The following EPHA6 variants were observed in gnomAD, a reference collection of about 807,000 sequenced individuals.
EPHA6 encodes EPH receptor A6.
Under a neutral mutation model 112.0 loss-of-function variants are expected in EPHA6, and 50 were observed. The ratio of observed to expected loss-of-function variants is 0.45; its 90% CI spans 0.36 to 0.56. The LOEUF (loss-of-function observed/expected upper bound fraction) is 0.56. EPHA6 is among the 20% of genes least tolerant of loss of function. The probability of loss-of-function intolerance (pLI) is 0.00; values close to 1 mark genes in which losing one functional copy is unlikely to be tolerated. For missense variants in EPHA6, 1,280 were observed against 1,417.4 expected (o/e 0.90, Z 1.56); for synonymous variants, 529 against 490.7 (o/e 1.08, Z -1.03).
chr3:97,504,404 T>G (rs977168583), intron 10 of EPHA6, among the ~76,000 whole-genome samples: 1 of 152,242 alleles, frequency 6.6e-6, no homozygotes, highest in African/African-American at 2.4e-5. Context: ...AAGAAAATGA[T>G]GAGGCCTAGC....
intron 14 of EPHA6, among the ~76,000 whole-genome samples, chr3:97,716,594 A>AAAAAG (rs1559623684): frequency 6.6e-6 from 1 of 151,202 alleles, no homozygotes; most frequent in South Asian, 2.1e-4. Context: ...AAAAAAAAAA[A>AAAAAG]AAAAGAAAAG....
chr3:97,514,707 G>A (rs1560089269), intron 10 of EPHA6, among the ~76,000 whole-genome samples: 1 of 152,150 alleles, frequency 6.6e-6, no homozygotes, highest in Admixed American at 6.5e-5. Flanking sequence ...GATCCTAAGG[G>A]TATGGTCCTA....
At chr3:97,471,691 C>T (rs2091234597) in intron 7 of EPHA6, among the ~76,000 whole-genome samples, 1 of 151,658 alleles carries the variant, frequency 6.6e-6, no homozygotes, top group South Asian at 2.1e-4. Flanking sequence ...AAATCTTCCC[C>T]ACATATCAAG....
intron 3 of EPHA6, among the ~76,000 whole-genome samples, chr3:97,117,209 G>A (rs114737380): frequency 0.013 from 2,024 of 151,542 alleles, 41 homozygotes; most frequent in African/African-American, 0.044. Flanking sequence ...TAAGTTCCTA[G>A]ATATTTTGGA....
chr3:96,985,521 AG>A (rs2042988368), intron 2 of EPHA6, among the ~76,000 whole-genome samples: 1 of 152,148 alleles, frequency 6.6e-6, no homozygotes, highest in African/African-American at 2.4e-5. Flanking sequence ...GAGTAACATA[AG>A]ACCCATTATA....
chr3:97,094,227 A>G (rs1296187471), intron 3 of EPHA6, among the ~76,000 whole-genome samples: 1 of 152,168 alleles, frequency 6.6e-6, no homozygotes, highest in Non-Finnish European at 1.5e-5. Flanking sequence ...TTTGTAAACT[A>G]CATATCTGTT....
At chr3:97,496,822 A>G (rs1307127961) in intron 10 of EPHA6, among the ~76,000 whole-genome samples, 1 of 152,166 alleles carries the variant, frequency 6.6e-6, no homozygotes, top group Non-Finnish European at 1.5e-5. Flanking sequence ...CACAAAAAAA[A>G]AACCAACTGC....
chr3:96,825,215 G>A (rs2033568375), intron 1 of EPHA6, among the ~76,000 whole-genome samples: 1 of 151,158 alleles, frequency 6.6e-6, no homozygotes, highest in Non-Finnish European at 1.5e-5. Context: ...ATATCCAAGT[G>A]AATAATGTTA....
At chr3:97,012,596 TGTG>T (rs2107948200) in intron 3 of EPHA6, among the ~76,000 whole-genome samples, 1 of 136,894 alleles carries the variant, frequency 7.3e-6, no homozygotes, top group Admixed American at 7.3e-5. Flanking sequence ...TGTGTGTGTG[TGTG>T]TGTGTGTGTA....
intron 7 of EPHA6, among the ~76,000 whole-genome samples, chr3:97,470,840 C>A (rs1425186168): frequency 6.6e-6 from 1 of 151,590 alleles, no homozygotes; most frequent in African/African-American, 2.4e-5. Context: ...ATATTTTTAT[C>A]TTTGTCCAAG....
chr3:97,745,285 C>A, intron 16 of EPHA6: 2 of 401,600 alleles, frequency 5.0e-6, no homozygotes, highest in South Asian at 1.8e-5. Flanking sequence ...ATAAATACAG[C>A]AACAATTCAA....
rs1279927899 is a variant in EPHA6, at chr3:97,253,701, A to G, written c.1606+9414A>G. The stretch of plus-strand genomic sequence containing the variant: ...TTGTTTTTCATTTTGTTTTTTTACA[A>G]AAATTATCTTCTGCTGAAACTAAAT... On this transcript the variant is annotated intron_variant, in intron 5 of 17. Transcript: ENST00000389672. Among the ~76,000 whole-genome samples, 5 of 152,214 alleles carry G rather than the reference A, an allele frequency of 3.3e-5. No homozygotes were observed. In the East Asian group the frequency reaches 7.7e-4, roughly 24 times the overall value.
chr3:97,735,695 G>T (rs956118364), intron 15 of EPHA6, among the ~76,000 whole-genome samples: 1 of 151,858 alleles, frequency 6.6e-6, no homozygotes, highest in African/African-American at 2.4e-5. Context: ...CTCTATACTG[G>T]TAGCACATGT....
chr3:96,927,753 A>G (rs2040112460), intron 2 of EPHA6, among the ~76,000 whole-genome samples: 2 of 152,138 alleles, frequency 1.3e-5, no homozygotes, highest in African/African-American at 4.8e-5. Flanking sequence ...CCTGTTCCAA[A>G]GTCACTTCCA....
chr3:97,257,074 A>C (rs1273650637), intron 5 of EPHA6, among the ~76,000 whole-genome samples: 1 of 152,028 alleles, frequency 6.6e-6, no homozygotes, highest in African/African-American at 2.4e-5. Flanking sequence ...CTAATGAGAA[A>C]GTTCATCATT....
chr3:97,617,763 G>T (rs2093778538), intron 13 of EPHA6, among the ~76,000 whole-genome samples: 1 of 152,140 alleles, frequency 6.6e-6, no homozygotes, highest in Non-Finnish European at 1.5e-5. Flanking sequence ...CAACACAGGA[G>T]CGCTCAGATT....
chr3:97,380,395 G>C (rs2085655868), intron 5 of EPHA6, among the ~76,000 whole-genome samples: 1 of 152,154 alleles, frequency 6.6e-6, no homozygotes, highest in Non-Finnish European at 1.5e-5. Context: ...TTGAAGAAAT[G>C]AGTATACATA....
At chr3:97,740,167 T>C (rs1282652709) in intron 16 of EPHA6, among the ~76,000 whole-genome samples, 3 of 151,978 alleles carry the variant, frequency 2.0e-5, no homozygotes, top group Admixed American at 2.0e-4. Flanking sequence ...CTCACCCACA[T>C]TGTCCTACAC....
intron 5 of EPHA6, among the ~76,000 whole-genome samples, chr3:97,375,702 A>G (rs768638769): frequency 7.9e-5 from 12 of 152,188 alleles, no homozygotes; most frequent in Non-Finnish European, 1.2e-4. Context: ...TACAGATATA[A>G]CATTAATGCT....
Sources: allele counts gnomAD v4.1 joint callset (sites outside exome capture counted in the v4.1 genomes callset), GRCh38; gene constraint gnomAD v4.1.1; transcripts MANE v1.5; gene names NCBI Gene and HGNC (gene_info 2026-07-23, HGNC 2026-07-21).